The following TFEC variants were observed in gnomAD, a reference collection of about 807,000 sequenced individuals.
The protein encoded by TFEC is class E basic helix-loop-helix protein 34.
In TFEC, 31 loss-of-function variants were observed where a neutral mutation model predicts 41.6. The ratio of observed to expected loss-of-function variants is 0.74; its 90% confidence interval spans 0.56 to 1.01. The LOEUF (loss-of-function observed/expected upper bound fraction) is 1.01, where lower values mean the gene tolerates loss of function less well. TFEC is among the 50% of genes least tolerant of loss of function. The pLI is 0.00. For missense variants in TFEC, 402 were observed against 404.1 expected (o/e 0.99, Z 0.04); for synonymous variants, 143 against 140.6 (o/e 1.02, Z -0.12).
chr7:116,139,553 A>G lies in TFEC; in HGVS notation c.-69+20237T>C, dbSNP rs546246327. Among the ~76,000 whole-genome samples, 4 of 152,300 alleles carry G rather than the reference A, an allele frequency of 2.6e-5. No individual in the cohort carries two copies. The East Asian group carries it at 5.8e-4, about 22-fold the overall frequency. ...CAAGAATGGAGGTAATGTAAAACAA[A>G]AAGTTTAAATCATTGAACCTTGCAT... On this transcript the variant is annotated intron_variant, in intron 1 of 8. Transcript: ENST00000484212.
chr7:116,008,527 T>C (rs1206409596), intron 1 of TFEC, among the ~76,000 whole-genome samples: 3 of 152,170 alleles, frequency 2.0e-5, no homozygotes, highest in Non-Finnish European at 4.4e-5. Context: ...TAGGTAACTA[T>C]TAATTATGTT....
chr7:116,135,929 T>A (rs531600704), intron 1 of TFEC, among the ~76,000 whole-genome samples: 3 of 152,122 alleles, frequency 2.0e-5, no homozygotes, highest in Non-Finnish European at 4.4e-5. Flanking sequence ...TACAAAAAAA[T>A]TGCTTTAGAA....
At chr7:116,065,407 T>C (rs900008695) in intron 3 of TFEC, among the ~76,000 whole-genome samples, 3 of 152,174 alleles carry the variant, frequency 2.0e-5, no homozygotes, top group African/African-American at 7.2e-5. Context: ...GGTATAATAA[T>C]GTAGACACAT....
rs1793347218 is a variant in TFEC at position 115,938,729 on chromosome 7, T to A, written c.*1822A>T. ...CAAAATTTATCCCAAAGCTTAATATTCATGAAAGATTACATCTCACTCATT... is the reference window on the plus strand; with the variant it reads ...CAAAATTTATCCCAAAGCTTAATATACATGAAAGATTACATCTCACTCATT... On this transcript the variant is annotated 3_prime_UTR_variant, in exon 8 of 8. Transcript: ENST00000265440. The A allele has an allele frequency of 6.6e-6, 1 of 151,958 alleles. No individual in the cohort carries two copies. Among genetic ancestry groups the A allele is most frequent in the Admixed American group, 6.6e-5 (1 of 15,204 alleles). The allele number at this position is 151,958 out of a possible 1,614,324, so 9.4% of individuals were successfully genotyped here. A position where few individuals can be genotyped will look rare whatever the true frequency, so the allele number is the denominator to read the frequency against.
At chr7:115,950,789 T>C in intron 6 of TFEC, 85 bp downstream of exon 6, 3 of 1,027,436 alleles carry the variant, frequency 2.9e-6, no homozygotes, top group Non-Finnish European at 4.3e-6. Flanking sequence ...TCCTAGTCAT[T>C]GGTTCTCTCC....
At chr7:116,110,690 AT>A in intron 3 of TFEC, 1 of 1,386,114 alleles carries the variant, frequency 7.2e-7, no homozygotes, top group East Asian at 2.9e-5. Flanking sequence ...ACGGCTGTAT[AT>A]GTATACAGAT....
intron 1 of TFEC, among the ~76,000 whole-genome samples, chr7:116,126,931 T>C (rs186733279): frequency 1.6e-3 from 249 of 152,062 alleles, no homozygotes; most frequent in African/African-American, 5.8e-3. Flanking sequence ...TTCGACAAAA[T>C]AAATTAAATA....
upstream of TFEC, among the ~76,000 whole-genome samples, chr7:116,034,544 G>A (rs568490852): frequency 6.6e-6 from 1 of 151,834 alleles, no homozygotes; most frequent in South Asian, 2.1e-4. Flanking sequence ...AACCCACCTG[G>A]AATTTATCTG....
intron 1 of TFEC, among the ~76,000 whole-genome samples, chr7:115,989,161 TAGAG>T (rs1409208265): frequency 6.6e-6 from 1 of 152,180 alleles, no homozygotes; most frequent in Non-Finnish European, 1.5e-5. Flanking sequence ...CAGACCTACA[TAGAG>T]AGACAAAGAG....
Position 115,985,842 on chromosome 7 carries a change from T to TA in TFEC, c.-72-1330dup, listed in dbSNP as rs1287856446. On this transcript the variant is annotated intron_variant, in intron 1 of 7. Coordinates refer to ENST00000265440, the MANE Select transcript of TFEC (RefSeq NM_012252.4). ...GTAATTTTTTTAGGGTAGCTATTTA[T>TA]ATTATCCTACTGTTCTAAATTAATT... 2.0e-5 allele frequency among the ~76,000 whole-genome samples: 3 copies of TA among 152,122 alleles called. No individual in the cohort carries two copies. The East Asian group carries it at 5.8e-4, about 29-fold the overall frequency.
chr7:116,103,873 G>C (rs1797659468), intron 3 of TFEC, among the ~76,000 whole-genome samples: 2 of 152,022 alleles, frequency 1.3e-5, no homozygotes, highest in Non-Finnish European at 2.9e-5. Flanking sequence ...AATAACTACA[G>C]GAAATTTAAA....
intron 6 of TFEC, among the ~76,000 whole-genome samples, chr7:115,944,464 C>G (rs570844468): frequency 2.6e-5 from 4 of 151,474 alleles, no homozygotes; most frequent in African/African-American, 7.2e-5. Flanking sequence ...TCAACCTGTA[C>G]GTCTCAATTA....
intron 3 of TFEC, 121 bp downstream of exon 3, chr7:115,974,046 TTCA>T: frequency 2.9e-6 from 2 of 694,878 alleles, no homozygotes; most frequent in South Asian, 4.0e-5. Flanking sequence ...TTTTCTAGTA[TTCA>T]TCTTTTATCT....
At chr7:116,027,419 C>T (rs1795626544) in intron 1 of TFEC, among the ~76,000 whole-genome samples, 1 of 151,466 alleles carries the variant, frequency 6.6e-6, no homozygotes, top group Non-Finnish European at 1.5e-5. Flanking sequence ...CCCATCTCTA[C>T]AAAAAAATAC....
At chr7:116,021,784 C>T (rs150750365) in intron 1 of TFEC, among the ~76,000 whole-genome samples, 1 of 152,258 alleles carries the variant, frequency 6.6e-6, no homozygotes, top group Non-Finnish European at 1.5e-5. Flanking sequence ...CTGACTTGAG[C>T]AGTCAAGTTC....
chr7:116,050,216 C>G (rs1268123520), intron 3 of TFEC, among the ~76,000 whole-genome samples: 1 of 151,796 alleles, frequency 6.6e-6, no homozygotes, highest in East Asian at 1.9e-4. Context: ...AAAAGCTCAA[C>G]AAAATTGATA....
At chr7:116,074,895 T>C (rs1796919959) in intron 3 of TFEC, among the ~76,000 whole-genome samples, 1 of 152,112 alleles carries the variant, frequency 6.6e-6, no homozygotes, top group Non-Finnish European at 1.5e-5. Context: ...AACAGATGAA[T>C]AAAATGCAGT....
intron 3 of TFEC, among the ~76,000 whole-genome samples, chr7:116,076,583 A>G (rs1373709659): frequency 6.6e-6 from 1 of 152,106 alleles, no homozygotes; most frequent in Non-Finnish European, 1.5e-5. Context: ...ATAAAAAGCT[A>G]TCACAACTTC....
At position 116,078,148 on chromosome 7, in the gene TFEC, G is replaced by A. The variant is rs192541585; in HGVS notation, c.198+32560C>T. 4.6e-5 allele frequency among the ~76,000 whole-genome samples: 7 copies of A among 152,128 alleles called. No homozygotes were observed. The East Asian group carries it at 1.4e-3, about 29-fold the overall frequency. On this transcript the variant is annotated intron_variant, in intron 3 of 8. Coordinates refer to the TFEC transcript ENST00000484212. Reference sequence around the variant, plus strand: ...AACCCTCAAAACCACGCAAATACATGCAAATTAAATAACCTGCTCCTGAAT... The same window carrying A: ...AACCCTCAAAACCACGCAAATACATACAAATTAAATAACCTGCTCCTGAAT...
Sources: gnomAD v4.1 joint callset for allele counts (sites outside exome capture counted in the v4.1 genomes callset) on GRCh38, gnomAD v4.1.1 for gene constraint, MANE v1.5 for transcripts, NCBI Gene and HGNC (gene_info 2026-07-23, HGNC 2026-07-21) for gene names.